The following RUNX1 variants were observed in gnomAD, a reference collection of about 807,000 sequenced individuals.
RUNX1 encodes RUNX family transcription factor 1.
A neutral mutation model predicts 42.8 loss-of-function variants in RUNX1; 19 were observed. The observed-to-expected ratio is 0.44, with a 90% CI of 0.31 to 0.65. RUNX1 has a LOEUF of 0.65. Among genes scored for constraint, RUNX1 ranks in the 30% least tolerant of loss-of-function variants. RUNX1 has a pLI of 0.07. For missense variants in RUNX1, 528 were observed against 672.0 expected (o/e 0.79, Z 2.37); for synonymous variants, 271 against 289.4 (o/e 0.94, Z 0.64).
At chr21:35,013,783 T>C (rs919008305) in intron 2 of RUNX1, among the ~76,000 whole-genome samples, 2 of 152,216 alleles carry the variant, frequency 1.3e-5, no homozygotes, top group Admixed American at 6.5e-5. Context: ...TGTTCAGAGA[T>C]GTTCATTGCA....
intron 2 of RUNX1, among the ~76,000 whole-genome samples, chr21:34,988,178 T>C (rs1230712198): frequency 2.0e-5 from 3 of 151,928 alleles, no homozygotes; most frequent in Non-Finnish European, 4.4e-5. Flanking sequence ...CCAGCTAAGG[T>C]AGAGGAGGGG....
At position 34,792,398 on chromosome 21, in the gene RUNX1, C is replaced by A; in HGVS notation, c.1180G>T (p.Gly394Cys). Residue 394 changes from glycine to cysteine, a missense_variant, in exon 9 of 9, where the codon GGC becomes TGC. By Grantham distance (159) the Gly-to-Cys change is radical (BLOSUM62 -3). Coordinates refer to ENST00000675419, the MANE Select transcript of RUNX1 (RefSeq NM_001754.5). The surrounding 1 kb of genome is among the most constrained non-coding windows in gnomAD (Gnocchi z 6.9). ...PYPGSSQAQG[G>C]PFQASSPSYH... Reference sequence around the variant, plus strand: ...GAGGGCGAGCTGGCTTGGAACGGGCCTCCCTGCGCTTGCGACGAGCCGGGG... The same window carrying A: ...GAGGGCGAGCTGGCTTGGAACGGGCATCCCTGCGCTTGCGACGAGCCGGGG... The A allele has an allele frequency of 6.4e-7, 1 of 1,566,316 alleles. No individual in the cohort carries two copies. The highest frequency in any genetic ancestry group is 8.7e-7 in the Non-Finnish European group (1 of 1,155,548).
intron 8 of RUNX1, among the ~76,000 whole-genome samples, chr21:34,798,557 A>G (rs377148305): frequency 1.3e-5 from 2 of 152,116 alleles, no homozygotes. Context: ...TCGGTTCTCT[A>G]TATCCGTGGG....
chr21:34,888,208 T>G, intron 3 of RUNX1: 1 of 1,066,844 alleles, frequency 9.4e-7, no homozygotes, highest in South Asian at 4.5e-5. Context: ...GCCGGTTAGC[T>G]GCTCCGAGGC....
At chr21:34,822,280 C>T (rs143514767) in intron 7 of RUNX1, among the ~76,000 whole-genome samples, 1 of 152,182 alleles carries the variant, frequency 6.6e-6, no homozygotes, top group Non-Finnish European at 1.5e-5. Context: ...AATGCTTCCC[C>T]CTAACCATGT....
chr21:34,979,954 A>T (rs56068023), intron 2 of RUNX1, among the ~76,000 whole-genome samples: 7 of 152,144 alleles, frequency 4.6e-5, no homozygotes, highest in African/African-American at 1.7e-4. Flanking sequence ...CTGCCCCAGA[A>T]CACAGCTCTG....
chr21:35,041,583 A>G (rs2147011622), intron 2 of RUNX1, among the ~76,000 whole-genome samples: 1 of 152,324 alleles, frequency 6.6e-6, no homozygotes, highest in East Asian at 1.9e-4. Flanking sequence ...AAACAAAAAG[A>G]AATTTCTAAT....
chr21:34,979,330 CT>C (rs11343211), intron 2 of RUNX1, among the ~76,000 whole-genome samples: 3,679 of 145,540 alleles, frequency 0.025, 110 homozygotes, highest in East Asian at 0.15. Flanking sequence ...ATAACCAATG[CT>C]TTTTTTTTTT....
In RUNX1 at chr21:35,048,869, G is replaced by A. The variant is rs766610477; in HGVS notation, c.31C>T (p.Pro11Ser). The A allele has an allele frequency of 6.2e-7, 1 of 1,613,954 alleles. No homozygotes were observed. Among genetic ancestry groups the A allele is most frequent in the Non-Finnish European group, 8.5e-7 (1 of 1,179,912 alleles). The change falls in exon 2 of 9, where the codon CCT becomes TCT. Residue 11 changes from proline (P) to serine (S), a missense_variant. Pro to Ser is a moderately conservative substitution (Grantham distance 74). Around this residue, in one of 3 missense-constraint regions of RUNX1, gnomAD observed 114 missense variants for 115.0 expected, o/e 0.99. Transcript: ENST00000675419. ...CTCATGAAGCACTGTGGGTACGAAG[G>A]AAATGACTCAAATATGCTGTCTGAA... MASDSIFESFPSYPQCFMREC... is the reference protein window; with the variant it reads MASDSIFESFSSYPQCFMREC...
intron 2 of RUNX1, among the ~76,000 whole-genome samples, chr21:34,946,440 C>G (rs2058563663): frequency 6.6e-6 from 1 of 152,194 alleles, no homozygotes; most frequent in Non-Finnish European, 1.5e-5. Context: ...CTCCTTCACA[C>G]TTCTGCACTT....
chr21:35,021,219 A>G (rs572548270), intron 2 of RUNX1, among the ~76,000 whole-genome samples: 152 of 152,308 alleles, frequency 1.0e-3, no homozygotes, highest in African/African-American at 3.5e-3. Flanking sequence ...TCAGTTTCCC[A>G]TCCGCAAAAT....
At chr21:34,887,943 AAAC>A in intron 3 of RUNX1, 2 of 1,065,850 alleles carry the variant, frequency 1.9e-6, no homozygotes, top group Non-Finnish European at 2.3e-6. Flanking sequence ...GCTAATCTTA[AAAC>A]AACAATCATA....
At chr21:34,859,878 T>C (rs1472610118) in intron 5 of RUNX1, among the ~76,000 whole-genome samples, 1 of 152,244 alleles carries the variant, frequency 6.6e-6, no homozygotes, top group Non-Finnish European at 1.5e-5. Context: ...TAGAGTCAGA[T>C]TGGCAGCTCT....
At chr21:34,997,394 G>A (rs2059004503) in intron 2 of RUNX1, among the ~76,000 whole-genome samples, 1 of 152,196 alleles carries the variant, frequency 6.6e-6, no homozygotes, top group African/African-American at 2.4e-5. Context: ...ATGCCTATGA[G>A]TGTGTCTCTT....
chr21:34,908,520 G>A (rs988897641), intron 2 of RUNX1, among the ~76,000 whole-genome samples: 3 of 152,162 alleles, frequency 2.0e-5, no homozygotes, highest in African/African-American at 7.2e-5. Context: ...GTCACCAAGG[G>A]CTGGGATAGC....
chr21:34,868,645 T>A (rs571513220), intron 5 of RUNX1, among the ~76,000 whole-genome samples: 2 of 152,338 alleles, frequency 1.3e-5, no homozygotes, highest in East Asian at 3.9e-4. Context: ...AGGGAGACCC[T>A]CTGAACCTTC....
rs780515721 is a variant in RUNX1, at chr21:34,901,629, C to G, written c.59-8666G>C. 6.6e-6 allele frequency among the ~76,000 whole-genome samples: 1 copy of G among 152,152 alleles called. No homozygotes were observed. The highest frequency in any genetic ancestry group is 1.5e-5 in the Non-Finnish European group (1 of 68,026). ...CCCTGGAAAGGGTGTGAGCCCTTCTCCACATTCTCTTTGGTGTGGGCCCTT... is the reference window on the plus strand; with the variant it reads ...CCCTGGAAAGGGTGTGAGCCCTTCTGCACATTCTCTTTGGTGTGGGCCCTT... On this transcript the variant is annotated intron_variant, in intron 2 of 8. Coordinates refer to ENST00000675419, the MANE Select transcript of RUNX1 (RefSeq NM_001754.5). The surrounding 1 kb of genome is among the most constrained non-coding windows in gnomAD (Gnocchi z 4.3).
At chr21:34,802,613 CT>C (rs1355550507) in intron 7 of RUNX1, among the ~76,000 whole-genome samples, 1 of 152,248 alleles carries the variant, frequency 6.6e-6, no homozygotes, top group African/African-American at 2.4e-5. Flanking sequence ...GAAGTTACAG[CT>C]ACTAGGGTGC....
chr21:34,874,171 C>T (rs747263856), intron 5 of RUNX1, among the ~76,000 whole-genome samples: 6 of 152,000 alleles, frequency 3.9e-5, no homozygotes, highest in South Asian at 2.1e-4. Flanking sequence ...CACACACACA[C>T]GCACACACAC....
Sources: allele counts gnomAD v4.1 joint callset (sites outside exome capture counted in the v4.1 genomes callset), GRCh38; gene constraint gnomAD v4.1.1; regional missense constraint gnomAD v4.1.1; non-coding constraint Gnocchi (gnomAD v3.1); transcripts MANE v1.5; gene names NCBI Gene and HGNC (gene_info 2026-07-23, HGNC 2026-07-21).